The following LHFPL3 variants were observed in gnomAD, a reference collection of about 807,000 sequenced individuals.
LHFPL3 encodes the protein LHFPL tetraspan subfamily member 3.
Under a neutral mutation model 19.3 loss-of-function variants are expected in LHFPL3, and 5 were observed. The observed-to-expected ratio is 0.26, with a 90% CI of 0.14 to 0.54. The LOEUF (loss-of-function observed/expected upper bound fraction) is 0.54. LHFPL3 is among the 20% of genes least tolerant of loss of function. LHFPL3 has a pLI of 0.94. For synonymous variants in LHFPL3, 133 were observed against 126.2 expected (o/e 1.05, Z -0.36); for missense variants, 249 against 307.4 (o/e 0.81, Z 1.42).
chr7:104,807,642 A>G (rs141737600), intron 2 of LHFPL3, among the ~76,000 whole-genome samples: 184 of 152,344 alleles, frequency 1.2e-3, no homozygotes, highest in Non-Finnish European at 7.1e-4. Flanking sequence ...TGCTGCTGCT[A>G]CTATTGATGA....
intron 1 of LHFPL3, among the ~76,000 whole-genome samples, chr7:104,641,418 G>C (rs886383503): frequency 6.6e-6 from 1 of 152,290 alleles, no homozygotes; most frequent in South Asian, 2.1e-4. Context: ...ATACACAAAT[G>C]AGCTAATTTT....
intron 2 of LHFPL3, among the ~76,000 whole-genome samples, chr7:104,834,423 T>C (rs544819541): frequency 6.6e-6 from 1 of 152,044 alleles, no homozygotes; most frequent in Non-Finnish European, 1.5e-5. Flanking sequence ...CACTCCCTTC[T>C]GTGTCTCTTA....
rs1417231747 is a variant in LHFPL3, at chr7:104,329,235, GC to G, written c.445+12del. 6.3e-7 allele frequency: 1 copy of G among 1,586,104 alleles called. No homozygotes were observed. Among genetic ancestry groups the G allele is most frequent in the African/African-American group, 1.3e-5 (1 of 74,124 alleles). ...TGCAGCTCACCTCCGGTGAGTGCGC[GC>G]TCACCTCCGCGGAGGCGGAGGACCC... On this transcript the variant is annotated intron_variant, in intron 1 of 2. Transcript: ENST00000424859.
At chr7:104,786,848 A>G (rs577722297) in intron 2 of LHFPL3, among the ~76,000 whole-genome samples, 4 of 152,166 alleles carry the variant, frequency 2.6e-5, no homozygotes, top group Non-Finnish European at 4.4e-5. Context: ...CATGAATGCA[A>G]TTTCATTACT....
rs927245566 is a variant in LHFPL3 at position 104,845,008 on chromosome 7, G to C, written c.683-61179G>C. On this transcript the variant is annotated intron_variant, in intron 2 of 2. Coordinates refer to ENST00000424859, the MANE Select transcript of LHFPL3 (RefSeq NM_199000.3). ...GCCTGCCTTAGCCTCCCAAAGTGTT[G>C]GGATTACAGGCGTAAGCCACCGCAC... is the stretch of plus-strand genomic sequence containing the variant. 3.4e-4 allele frequency among the ~76,000 whole-genome samples: 52 copies of C among 152,222 alleles called. 1 individual carries two copies. The highest frequency in any genetic ancestry group is 3.3e-3 in the Admixed American group (50 of 15,282).
intron 1 of LHFPL3, among the ~76,000 whole-genome samples, chr7:104,450,566 C>T (rs1281354346): frequency 6.6e-6 from 1 of 151,842 alleles, no homozygotes; most frequent in Non-Finnish European, 1.5e-5. Context: ...CACACCAGGG[C>T]CTGACAGGGG....
At chr7:104,501,391 A>G (rs938796490) in intron 1 of LHFPL3, among the ~76,000 whole-genome samples, 3 of 152,238 alleles carry the variant, frequency 2.0e-5, no homozygotes, top group Non-Finnish European at 2.9e-5. Context: ...TTAGTGCTCT[A>G]TACAGTTGCT....
At position 104,420,554 on chromosome 7, in the gene LHFPL3, A is replaced by ATTTTTTTTTTT. The variant is rs71153195; in HGVS notation, c.445+91343_445+91353dup. On this transcript the variant is annotated intron_variant, in intron 1 of 2. Transcript: ENST00000424859. ...TTACTGGTGGCCTCCCAAAGGGTGA[A>ATTTTTTTTTTT]TTTTTTTTTTTTTTTTTTTTTTTGA... is the stretch of plus-strand genomic sequence containing the variant. 3.5e-5 allele frequency among the ~76,000 whole-genome samples: 4 copies of ATTTTTTTTTTT among 112,722 alleles called. No homozygotes were observed. In the East Asian group the frequency reaches 9.5e-4, roughly 27 times the overall value. The allele number at this position is 112,722 out of a possible 152,430, so 74.0% of individuals were successfully genotyped here. A position where few individuals can be genotyped will look rare whatever the true frequency, so the allele number is the denominator to read the frequency against.
In LHFPL3 at chr7:104,720,847, T is replaced by C. The variant is rs1015006124; in HGVS notation, c.446-15828T>C. Among the ~76,000 whole-genome samples the C allele has an allele frequency of 1.1e-4, 16 of 152,214 alleles. No individual in the cohort carries two copies. In the South Asian group the frequency reaches 1.5e-3, roughly 14 times the overall value. On this transcript the variant is annotated intron_variant, in intron 1 of 2. Transcript: ENST00000424859. ...TCAAAACCACAATGAGATACCATCT[T>C]ACGCCAGTTAGAATGGCGATCATTA...
intron 2 of LHFPL3, among the ~76,000 whole-genome samples, chr7:104,901,202 C>T (rs1792476114): frequency 6.6e-6 from 1 of 152,162 alleles, no homozygotes; most frequent in Non-Finnish European, 1.5e-5. Context: ...CTAGTCCTTG[C>T]CAAGCCTTCA....
intron 1 of LHFPL3, among the ~76,000 whole-genome samples, chr7:104,594,192 T>C (rs1043506222): frequency 1.3e-5 from 2 of 152,226 alleles, no homozygotes; most frequent in African/African-American, 4.8e-5. Context: ...CCTTTCCATG[T>C]ATAGTGCTTC....
chr7:104,564,320 A>T (rs1025365050), intron 1 of LHFPL3, among the ~76,000 whole-genome samples: 1 of 152,202 alleles, frequency 6.6e-6, no homozygotes, highest in African/African-American at 2.4e-5. Flanking sequence ...TTCTTGATAT[A>T]GTAATACACT....
chr7:104,866,853 G>T (rs1182407701), intron 2 of LHFPL3, among the ~76,000 whole-genome samples: 1 of 152,138 alleles, frequency 6.6e-6, no homozygotes, highest in Non-Finnish European at 1.5e-5. Flanking sequence ...AAATGTAAAA[G>T]AACAGAAATT....
intron 2 of LHFPL3, among the ~76,000 whole-genome samples, chr7:104,846,464 T>C (rs1456569542): frequency 6.6e-6 from 1 of 152,172 alleles, no homozygotes; most frequent in East Asian, 1.9e-4. Flanking sequence ...CCCTGCAGTG[T>C]TGAGACCCAA....
rs71968211 is a variant in LHFPL3 at position 104,672,057 on chromosome 7, A to ATGTGTGTG, written c.446-64618_446-64617insTGTGTGTG. Among the ~76,000 whole-genome samples the ATGTGTGTG allele has an allele frequency of 2.7e-3, 236 of 86,446 alleles. 1 individual carries two copies. Among genetic ancestry groups the ATGTGTGTG allele is most frequent in the African/African-American group, 7.5e-3 (222 of 29,558 alleles). The allele number at this position is 86,446 out of a possible 152,430, so 56.7% of individuals were successfully genotyped here. On this transcript the variant is annotated intron_variant, in intron 1 of 2. Transcript: ENST00000424859. ...TTCCTTCTTCAAAACTTTAACTTCC[A>ATGTGTGTG]AGTGTGTGTGTGTGTGTGTGTGTGT...
chr7:104,722,136 A>G lies in LHFPL3; in HGVS notation c.446-14539A>G, dbSNP rs139282101. Among the ~76,000 whole-genome samples, 549 of 152,264 alleles carry G rather than the reference A, an allele frequency of 3.6e-3. 1 individual carries two copies. The highest frequency in any genetic ancestry group is 6.1e-3 in the Non-Finnish European group (415 of 68,024). On this transcript the variant is annotated intron_variant, in intron 1 of 2. Coordinates refer to ENST00000424859, the MANE Select transcript of LHFPL3 (RefSeq NM_199000.3). The stretch of plus-strand genomic sequence containing the variant: ...TTCAATATGTTGCCTTTTGTCTGGC[A>G]ACATATTCTATAAAAGGTGTTTCTC...
At chr7:104,505,741 A>G (rs566767589) in intron 1 of LHFPL3, among the ~76,000 whole-genome samples, 5 of 152,246 alleles carry the variant, frequency 3.3e-5, no homozygotes, top group Non-Finnish European at 7.3e-5. Context: ...AATAAATGCA[A>G]TTAATGGAAT....
chr7:104,683,638 A>G (rs867654541), intron 1 of LHFPL3, among the ~76,000 whole-genome samples: 8 of 152,220 alleles, frequency 5.3e-5, no homozygotes, highest in Admixed American at 6.5e-5. Context: ...TTCCAGGAGG[A>G]GTGTGTGTTT....
chr7:104,715,256 G>A (rs1463643717), intron 1 of LHFPL3, among the ~76,000 whole-genome samples: 1 of 152,212 alleles, frequency 6.6e-6, no homozygotes, highest in Non-Finnish European at 1.5e-5. Context: ...ATATGTGAAT[G>A]TGTGAGTCTG....
Sources: allele counts gnomAD v4.1 joint callset (sites outside exome capture counted in the v4.1 genomes callset), GRCh38; gene constraint gnomAD v4.1.1; transcripts MANE v1.5; gene names NCBI Gene and HGNC (gene_info 2026-07-23, HGNC 2026-07-21).